Variants in SPAST observed in about 807,000 individuals in gnomAD.
SPAST encodes spastic paraplegia 4 (autosomal dominant; spastin).
In SPAST, 30 loss-of-function variants were observed where a neutral mutation model predicts 76.6. The observed-to-expected ratio is 0.39, with a 90% CI of 0.29 to 0.53. The LOEUF (loss-of-function observed/expected upper bound fraction) is 0.53, where lower values mean the gene tolerates loss of function less well. Among genes scored for constraint, SPAST ranks in the 20% least tolerant of loss-of-function variants. The pLI is 0.68. For missense variants in SPAST, 717 were observed against 770.5 expected, an observed-to-expected ratio of 0.93 and a Z score of 0.82; for synonymous variants, 305 against 281.0, an observed-to-expected ratio of 1.09 and a Z score of -0.86.
At chr2:32,148,667 G>A (rs546934628) in intron 16 of SPAST, among the ~76,000 whole-genome samples, 21 of 152,114 alleles carry the variant, frequency 1.4e-4, no homozygotes, top group Admixed American at 1.3e-4. Context: ...AAAAATTACC[G>A]GGGCGTGGTG....
chr2:32,096,564 C>G (rs1051997823), intron 3 of SPAST, among the ~76,000 whole-genome samples: 3 of 152,124 alleles, frequency 2.0e-5, no homozygotes, highest in Non-Finnish European at 2.9e-5. Context: ...TGTACTGTTA[C>G]ACTGTATGTG....
At position 32,063,841 on chromosome 2, in the gene SPAST, C is replaced by G. The variant is rs937319046; in HGVS notation, c.10C>G (p.Pro4Ala). 12 of 1,576,456 alleles carry G rather than the reference C, an allele frequency of 7.6e-6. No homozygotes were observed. The highest frequency in any genetic ancestry group is 2.3e-5 in the South Asian group (2 of 88,474). Residue 4 changes from proline to alanine, a missense_variant, in exon 1 of 17, where the codon CCG becomes GCG. Physicochemically the swap from Pro to Ala is conservative, Grantham distance 27. This residue lies in a region of SPAST where 543 missense variants were observed against 445.2 expected (regional missense o/e 1.22). Coordinates refer to ENST00000315285, the MANE Select transcript of SPAST (RefSeq NM_014946.4). ...GCAGTGAGAGCTGTGAATGAATTCT[C>G]CGGGTGGACGAGGGAAGAAGAAAGG... MNS[P>A]GGRGKKKGSG...
At chr2:32,149,512 G>T (rs1680006847) in intron 16 of SPAST, among the ~76,000 whole-genome samples, 1 of 152,116 alleles carries the variant, frequency 6.6e-6, no homozygotes, top group Non-Finnish European at 1.5e-5. Context: ...TCATAACTCT[G>T]TGAGCAAAAT....
chr2:32,136,426 C>G, intron 9 of SPAST, 137 bp from the exon 10 acceptor site: 1 of 700,078 alleles, frequency 1.4e-6, no homozygotes, highest in East Asian at 2.7e-5. Flanking sequence ...TAGTACTCTC[C>G]CCTTTCTCAA....
intron 7 of SPAST, 36 bp downstream of exon 7, chr2:32,116,248 A>G (rs1322345966): frequency 1.4e-5 from 18 of 1,314,348 alleles, no homozygotes; most frequent in African/African-American, 4.3e-5. Flanking sequence ...CTATAATACC[A>G]TCTGTTACTG....
At chr2:32,152,110 A>G (rs1290965743) in intron 16 of SPAST, among the ~76,000 whole-genome samples, 2 of 152,144 alleles carry the variant, frequency 1.3e-5, no homozygotes, top group Admixed American at 6.6e-5. Flanking sequence ...TTGGTTTGAT[A>G]AGACAACTTT....
In SPAST at chr2:32,154,728, A is replaced by G. The variant is rs1680198987; in HGVS notation, c.*232A>G. 1.9e-6 allele frequency: 1 copy of G among 513,266 alleles called. No individual in the cohort carries two copies. The highest frequency in any genetic ancestry group is 3.5e-6 in the Non-Finnish European group (1 of 285,510). The allele number at this position is 513,266 out of a possible 1,614,324, so 31.8% of individuals were successfully genotyped here. A position where few individuals can be genotyped will look rare whatever the true frequency, so the allele number is the denominator to read the frequency against. ...TGCCTTGATGGTCACAGTTATCCCAATGGACACTAAGTTAGAGCACAACAA... is the reference window on the plus strand; with the variant it reads ...TGCCTTGATGGTCACAGTTATCCCAGTGGACACTAAGTTAGAGCACAACAA... On this transcript the variant is annotated 3_prime_UTR_variant, in exon 17 of 17. Transcript: ENST00000315285.
At chr2:32,094,322 G>A (rs887459345) in intron 3 of SPAST, among the ~76,000 whole-genome samples, 1 of 151,954 alleles carries the variant, frequency 6.6e-6, no homozygotes, top group South Asian at 2.1e-4. Context: ...GGGTTCAAGC[G>A]ATTATCCTGC....
rs1221401752 is a variant in SPAST at position 32,116,184 on chromosome 2, T to C, written c.1070T>C (p.Ile357Thr). 6.2e-7 allele frequency: 1 copy of C among 1,613,160 alleles called. No homozygotes were observed. Among genetic ancestry groups the C allele is most frequent in the Admixed American group, 1.7e-5 (1 of 60,004 alleles). The stretch of plus-strand genomic sequence containing the variant: ...TTGGCAAAACAAGCATTGCAAGAAA[T>C]TGTTATTCTTCCTTCTCTGAGGCCT... ...QDLAKQALQE[I>T]VILPSLRPEL... is the part of the protein sequence containing the mutation. Residue 357 changes from isoleucine (I) to threonine (T), a missense_variant, in exon 7 of 17, where the codon ATT becomes ACT. Ile to Thr is a moderately conservative substitution (Grantham distance 89). Transcript: ENST00000315285.
chr2:32,105,234 T>C (rs897531949), intron 4 of SPAST, among the ~76,000 whole-genome samples: 2 of 152,210 alleles, frequency 1.3e-5, no homozygotes, highest in African/African-American at 2.4e-5. Context: ...TTTCTTCCAC[T>C]TGATCGAATC....
At chr2:32,084,679 A>T (rs1212802588) in intron 1 of SPAST, among the ~76,000 whole-genome samples, 1 of 151,448 alleles carries the variant, frequency 6.6e-6, no homozygotes, top group Non-Finnish European at 1.5e-5. Context: ...TGAGGTCGGG[A>T]GTTTGAGTCC....
intron 13 of SPAST, among the ~76,000 whole-genome samples, chr2:32,142,952 A>G (rs1242784267): frequency 1.3e-5 from 2 of 152,160 alleles, no homozygotes; most frequent in Admixed American, 6.6e-5. Flanking sequence ...CTATGTTTTT[A>G]TTCAAGTGTG....
chr2:32,128,521 G>C (rs371694243), intron 9 of SPAST, 42 bp downstream of exon 9: 2 of 1,264,146 alleles, frequency 1.6e-6, no homozygotes, highest in Admixed American at 1.7e-5. Context: ...TTAAGTTACT[G>C]TCTAAATGTT....
At chr2:32,134,758 C>T (rs1200219119) in intron 9 of SPAST, among the ~76,000 whole-genome samples, 5 of 152,084 alleles carry the variant, frequency 3.3e-5, no homozygotes, top group East Asian at 1.9e-4. Flanking sequence ...TGCAGTTGTG[C>T]GATCTCGGCT....
chr2:32,107,240 CTT>C (rs913336727), intron 4 of SPAST, among the ~76,000 whole-genome samples: 18 of 149,020 alleles, frequency 1.2e-4, no homozygotes, highest in African/African-American at 4.2e-4. Context: ...AAATTCGACT[CTT>C]TTTTTTTTGA....
rs1207332602 is a variant in SPAST at position 32,157,025 on chromosome 2, T to C, written c.*2529T>C. On this transcript the variant is annotated 3_prime_UTR_variant, in exon 17 of 17. Coordinates refer to ENST00000315285, the MANE Select transcript of SPAST (RefSeq NM_014946.4). ...ATATAGTAGGAGATAAGGGATTGGTTTGGTCTTTTTCAATAAAGATAGAAG... is the reference window on the plus strand; with the variant it reads ...ATATAGTAGGAGATAAGGGATTGGTCTGGTCTTTTTCAATAAAGATAGAAG... 1.3e-5 allele frequency: 2 copies of C among 152,376 alleles called. No homozygotes were observed. Among genetic ancestry groups the C allele is most frequent in the Non-Finnish European group, 2.9e-5 (2 of 68,016 alleles). 9.4% of individuals were successfully genotyped at this position (152,376 alleles called of 1,614,324 possible).
At chr2:32,068,097 G>C (rs1676597067) in intron 1 of SPAST, among the ~76,000 whole-genome samples, 1 of 150,490 alleles carries the variant, frequency 6.6e-6, no homozygotes, top group Non-Finnish European at 1.5e-5. Flanking sequence ...TCCTGCCTCA[G>C]CTTCCCGAGT....
At chr2:32,116,989 G>C (rs1405589690) in intron 7 of SPAST, among the ~76,000 whole-genome samples, 1 of 151,282 alleles carries the variant, frequency 6.6e-6, no homozygotes, top group Admixed American at 6.6e-5. Context: ...GGCCGGGTAC[G>C]GTAGTTCACG....
chr2:32,091,127 G>C (rs895933311), intron 3 of SPAST, among the ~76,000 whole-genome samples: 4 of 151,848 alleles, frequency 2.6e-5, no homozygotes, highest in Admixed American at 6.6e-5. Context: ...CCATACGTTG[G>C]TGGATGGAAA....
Sources: gnomAD v4.1 joint callset for allele counts (sites outside exome capture counted in the v4.1 genomes callset) on GRCh38, gnomAD v4.1.1 for gene constraint, gnomAD v4.1.1 regional missense constraint, MANE v1.5 for transcripts, NCBI Gene and HGNC (gene_info 2026-07-23, HGNC 2026-07-21) for gene names.